COL13A1: variants seen among roughly 807,000 people sequenced by gnomAD.
COL13A1 encodes collagen type XIII alpha 1 chain.
Under a neutral mutation model 130.9 loss-of-function variants are expected in COL13A1, and 89 were observed. That is an observed-to-expected ratio of 0.68 (90% CI 0.57 to 0.81). The LOEUF (loss-of-function observed/expected upper bound fraction) is 0.81, where lower values mean the gene tolerates loss of function less well. Ranked by LOEUF, COL13A1 falls within the 30% of genes least tolerant of loss-of-function variation. COL13A1 has a pLI of 0.00. For missense variants in COL13A1, 879 were observed against 934.6 expected, an observed-to-expected ratio of 0.94 and a Z score of 0.78; for synonymous variants, 402 against 341.6, an observed-to-expected ratio of 1.18 and a Z score of -1.95.
intron 22 of COL13A1, among the ~76,000 whole-genome samples, 193 bp downstream of exon 22, chr10:69,922,128 A>C (rs1373092679): frequency 3.3e-5 from 5 of 152,158 alleles, no homozygotes; most frequent in African/African-American, 1.2e-4. Context: ...CAAAAATAAA[A>C]TGCCGAAATG....
At chr10:69,887,180 G>A (rs2060674114) in intron 7 of COL13A1, among the ~76,000 whole-genome samples, 2 of 152,208 alleles carry the variant, frequency 1.3e-5, no homozygotes, top group Non-Finnish European at 2.9e-5. Context: ...CCACAGCGGT[G>A]AGGAGCTCTC....
At chr10:69,861,609 G>A (rs1858105801) in intron 2 of COL13A1, among the ~76,000 whole-genome samples, 1 of 152,146 alleles carries the variant, frequency 6.6e-6, no homozygotes, top group East Asian at 1.9e-4. Flanking sequence ...AGTTAGAAAA[G>A]GGTCCTCCTG....
At chr10:69,887,553 A>C in intron 8 of COL13A1, 62 bp downstream of exon 8, 1 of 1,559,378 alleles carries the variant, frequency 6.4e-7, no homozygotes, top group Non-Finnish European at 8.8e-7. Context: ...ATTGGGTTAA[A>C]CTTCATCTGA....
chr10:69,815,989 C>G (rs923485088), intron 1 of COL13A1, among the ~76,000 whole-genome samples: 4 of 151,542 alleles, frequency 2.6e-5, no homozygotes, highest in Admixed American at 2.6e-4. Context: ...TAACAGCAAG[C>G]CAGGTAGGTA....
chr10:69,803,053 C>T (rs1003438173), intron 1 of COL13A1, among the ~76,000 whole-genome samples: 55 of 152,178 alleles, frequency 3.6e-4, no homozygotes, highest in African/African-American at 1.3e-3. Flanking sequence ...CTTTCGGGAC[C>T]CGGCCAGGGT....
chr10:69,823,528 T>C (rs1312086494), intron 2 of COL13A1, among the ~76,000 whole-genome samples: 1 of 152,228 alleles, frequency 6.6e-6, no homozygotes, highest in Non-Finnish European at 1.5e-5. Flanking sequence ...CTGGGCTCTC[T>C]GGCTGGCCCT....
At chr10:69,919,776 A>G (rs887278308) in intron 21 of COL13A1, 49 bp downstream of exon 21, 5 of 398,362 alleles carry the variant, frequency 1.3e-5, no homozygotes, top group Non-Finnish European at 1.8e-5. Flanking sequence ...TAGCCTCACC[A>G]TTCCCCTACT....
chr10:69,954,981 G>A (rs1444807220), intron 39 of COL13A1: 1 of 152,286 alleles, frequency 6.6e-6, no homozygotes, highest in Non-Finnish European at 1.5e-5. Context: ...AAAAGAAGCT[G>A]AAGGGAACAC....
At chr10:69,935,855 C>CA (rs1183944899) in intron 32 of COL13A1, among the ~76,000 whole-genome samples, 1 of 151,352 alleles carries the variant, frequency 6.6e-6, no homozygotes, top group Non-Finnish European at 1.5e-5. Context: ...TCTAAAAATA[C>CA]AAAAAATTAG....
chr10:69,826,188 A>G (rs1258869425), intron 2 of COL13A1, among the ~76,000 whole-genome samples: 1 of 152,212 alleles, frequency 6.6e-6, no homozygotes, highest in African/African-American at 2.4e-5. Flanking sequence ...CCAGCGAGGA[A>G]ACAGCTACTT....
chr10:69,845,014 C>T (rs767789321), intron 2 of COL13A1, among the ~76,000 whole-genome samples: 30 of 152,094 alleles, frequency 2.0e-4, no homozygotes, highest in Non-Finnish European at 3.7e-4. Flanking sequence ...GAGAACCATA[C>T]TATGTTAAGG....
At chr10:69,941,047 C>T in intron 35 of COL13A1, 24 bp downstream of exon 35, 1 of 1,613,782 alleles carries the variant, frequency 6.2e-7, no homozygotes, top group African/African-American at 1.3e-5. Flanking sequence ...CTCCATCACC[C>T]CTCACCCCAC....
intron 28 of COL13A1, 64 bp downstream of exon 28, chr10:69,929,063 TC>T: frequency 7.7e-7 from 1 of 1,306,498 alleles, no homozygotes; most frequent in African/African-American, 1.4e-5. Flanking sequence ...GGGCTTCCCC[TC>T]CCCCTGTGAC....
chr10:69,862,273 G>T (rs1858358001), intron 2 of COL13A1, among the ~76,000 whole-genome samples: 1 of 152,196 alleles, frequency 6.6e-6, no homozygotes, highest in Non-Finnish European at 1.5e-5. Flanking sequence ...CCTTCTCAGA[G>T]CCTCAGTTTT....
chr10:69,917,198 C>G (rs1245019758), intron 17 of COL13A1, 91 bp from the exon 18 acceptor site: 9 of 1,522,360 alleles, frequency 5.9e-6, no homozygotes, highest in Non-Finnish European at 8.1e-6. Flanking sequence ...GCCATCCCAG[C>G]CTCCAGACAA....
intron 1 of COL13A1, among the ~76,000 whole-genome samples, chr10:69,803,935 A>C (rs1840760672): frequency 6.6e-6 from 1 of 152,176 alleles, no homozygotes; most frequent in Admixed American, 6.5e-5. Flanking sequence ...TGCCCCTGCC[A>C]GGCTGGCACC....
intron 17 of COL13A1, among the ~76,000 whole-genome samples, chr10:69,910,710 G>C (rs577479465): frequency 1.3e-5 from 2 of 152,346 alleles, no homozygotes; most frequent in Non-Finnish European, 2.9e-5. Context: ...TTATGACACT[G>C]ATCTACTTTA....
chr10:69,879,933 C>T (rs1319132032), intron 6 of COL13A1, among the ~76,000 whole-genome samples: 2 of 152,208 alleles, frequency 1.3e-5, no homozygotes, highest in Admixed American at 1.3e-4. Context: ...GTTCACACAG[C>T]ACGCATGTTG....
chr10:69,858,801 C>T (rs1001311894), intron 2 of COL13A1, among the ~76,000 whole-genome samples: 4 of 152,202 alleles, frequency 2.6e-5, no homozygotes, highest in African/African-American at 9.7e-5. Context: ...TCTTAATTTG[C>T]TTTTGCAGCT....
Sources: gnomAD v4.1 joint callset for allele counts (sites outside exome capture counted in the v4.1 genomes callset) on GRCh38, gnomAD v4.1.1 for gene constraint, MANE v1.5 for transcripts, NCBI Gene and HGNC (gene_info 2026-07-23, HGNC 2026-07-21) for gene names.